TOMM40: variants seen among roughly 807,000 people sequenced by gnomAD.
TOMM40 encodes mitochondrial import receptor subunit TOM40 homolog.
A neutral mutation model predicts 38.4 loss-of-function variants in TOMM40; 9 were observed. The ratio of observed to expected loss-of-function variants is 0.23; its 90% CI spans 0.14 to 0.41. The LOEUF is 0.41. TOMM40 is among the 10% of genes least tolerant of loss of function. The pLI is 1.00. For synonymous variants in TOMM40, 184 were observed against 210.0 expected, an observed-to-expected ratio of 0.88 and a Z score of 1.07; for missense variants, 299 against 486.5, an observed-to-expected ratio of 0.61 and a Z score of 3.63.
intron 5 of TOMM40, among the ~76,000 whole-genome samples, chr19:44,899,550 A>G (rs1242686629): frequency 6.6e-6 from 1 of 151,618 alleles, no homozygotes; most frequent in Non-Finnish European, 1.5e-5. Context: ...CCTGGGCTCA[A>G]ATGAACCCAC....
intron 2 of TOMM40, 35 bp downstream of exon 2, chr19:44,892,495 C>T (rs751028708): frequency 3.0e-5 from 48 of 1,583,560 alleles, no homozygotes; most frequent in South Asian, 2.3e-4. Flanking sequence ...CACCAGAGAT[C>T]GTCCCCGCCG....
rs914784437 is a variant in TOMM40, at chr19:44,903,387, A to G, written c.*218A>G. 24 of 511,132 alleles carry G rather than the reference A, an allele frequency of 4.7e-5. No individual in the cohort carries two copies. Among genetic ancestry groups the G allele is most frequent in the Admixed American group, 7.9e-5 (2 of 25,160 alleles). The allele number at this position is 511,132 out of a possible 1,614,324, so 31.7% of individuals were successfully genotyped here. A position where few individuals can be genotyped will look rare whatever the true frequency, so the allele number is the denominator to read the frequency against. On this transcript the variant is annotated 3_prime_UTR_variant, in exon 9 of 9. Transcript: ENST00000426677. ...TCTGAGTAGCAGGGGCAGCATGCCCAGTGGGCCTGGGGTCCCGGGAGGGAT... is the reference window on the plus strand; with the variant it reads ...TCTGAGTAGCAGGGGCAGCATGCCCGGTGGGCCTGGGGTCCCGGGAGGGAT...
chr19:44,903,280 T>A lies in TOMM40; in HGVS notation c.*111T>A. 8.5e-7 allele frequency: 1 copy of A among 1,170,560 alleles called. No individual in the cohort carries two copies. Among genetic ancestry groups the A allele is most frequent in the Non-Finnish European group, 1.1e-6 (1 of 876,134 alleles). 72.5% of individuals were successfully genotyped at this position (1,170,560 alleles called of 1,614,324 possible). A position where few individuals can be genotyped will look rare whatever the true frequency, so the allele number is the denominator to read the frequency against. On this transcript the variant is annotated 3_prime_UTR_variant, in exon 9 of 9. Transcript: ENST00000426677. Reference sequence around the variant, plus strand: ...CCTCCCTTCCCTCCCCCCTTGGGGGTCGGGGGGGACATTGGAAAGGAGGGA... The same window carrying A: ...CCTCCCTTCCCTCCCCCCTTGGGGGACGGGGGGGACATTGGAAAGGAGGGA...
At chr19:44,895,089 GC>G (rs1568607382) in intron 5 of TOMM40, among the ~76,000 whole-genome samples, 1 of 152,174 alleles carries the variant, frequency 6.6e-6, no homozygotes, top group Non-Finnish European at 1.5e-5. Context: ...TCTTTGTGCA[GC>G]CATCCACTGT....
intron 5 of TOMM40, among the ~76,000 whole-genome samples, chr19:44,895,085 T>G (rs1183282391): frequency 1.3e-5 from 2 of 152,190 alleles, no homozygotes; most frequent in African/African-American, 2.4e-5. Context: ...TGTGTCTTTG[T>G]GCAGCCATCC....
intron 8 of TOMM40, 143 bp from the exon 9 acceptor site, chr19:44,902,887 G>T: frequency 9.8e-7 from 1 of 1,018,024 alleles, no homozygotes; most frequent in Admixed American, 2.9e-5. Context: ...AGTTGTTGGT[G>T]TGATGGGGTT....
intron 8 of TOMM40, 69 bp from the exon 9 acceptor site, chr19:44,902,961 G>A: frequency 6.4e-7 from 1 of 1,558,274 alleles, no homozygotes; most frequent in Non-Finnish European, 8.7e-7. Flanking sequence ...TGGTATCCAA[G>A]GTGGCCAGGA....
intron 5 of TOMM40, among the ~76,000 whole-genome samples, chr19:44,899,780 A>G (rs1292635710): frequency 7.9e-6 from 1 of 126,208 alleles, no homozygotes; most frequent in East Asian, 2.6e-4. Context: ...GGCATGAGCC[A>G]TTGCATCTGG....
intron 5 of TOMM40, 139 bp from the exon 6 acceptor site, chr19:44,900,591 G>C (rs2122776708): frequency 1.3e-6 from 2 of 1,530,024 alleles, no homozygotes; most frequent in Middle Eastern, 2.4e-4. Context: ...TGGGCGATGG[G>C]TTAGGAGAAA....
chr19:44,891,343 G>T lies in TOMM40; in HGVS notation c.-73G>T. The T allele has an allele frequency of 1.6e-6, 2 of 1,220,846 alleles. No homozygotes were observed. Among genetic ancestry groups the T allele is most frequent in the South Asian group, 3.9e-5 (1 of 25,582 alleles). The allele number at this position is 1,220,846 out of a possible 1,614,324, so 75.6% of individuals were successfully genotyped here. On this transcript the variant is annotated 5_prime_UTR_variant, in exon 1 of 9. Transcript: ENST00000426677. Reference sequence around the variant, plus strand: ...AGAACCGGGGCCGGAGCCGGGTGCGGATTTGCTGGGGCTGAGTCGGGGGCG... The same window carrying T: ...AGAACCGGGGCCGGAGCCGGGTGCGTATTTGCTGGGGCTGAGTCGGGGGCG...
intron 1 of TOMM40, 119 bp from the exon 2 acceptor site, chr19:44,892,274 G>T: frequency 1.0e-6 from 1 of 994,178 alleles, no homozygotes; most frequent in Non-Finnish European, 1.6e-6. Context: ...TTTACAGGTG[G>T]AATCCTTTGT....
intron 6 of TOMM40, 71 bp from the exon 7 acceptor site, chr19:44,900,957 G>A (rs1969668990): frequency 1.2e-6 from 2 of 1,609,882 alleles, no homozygotes; most frequent in Non-Finnish European, 1.7e-6. Context: ...GTCTGAGGGA[G>A]GAGGCCTGGG....
At chr19:44,891,723 G>A in intron 1 of TOMM40, 34 bp downstream of exon 1, 1 of 1,411,744 alleles carries the variant, frequency 7.1e-7, no homozygotes, top group South Asian at 1.4e-5. Context: ...GGGCTGCGAT[G>A]GCCTGGATCT....
rs394819 is a variant in TOMM40, at chr19:44,901,322, G to T, written c.946+12G>T. 6.9e-3 allele frequency: 11,050 copies of T among 1,612,072 alleles called. 470 individuals carry two copies. In the African/African-American group the frequency reaches 0.11, roughly 16 times the overall value. ...CCTCCTCTTCAAAGGTAAAGGTCTC[G>T]GTTCCCCTACGCGGGAAACAGGCAG... On this transcript the variant is annotated intron_variant, in intron 8 of 8. Transcript: ENST00000426677.
At chr19:44,900,884 G>A in intron 6 of TOMM40, 32 bp downstream of exon 6, 1 of 1,611,814 alleles carries the variant, frequency 6.2e-7, no homozygotes. Flanking sequence ...GAGGGTGGAG[G>A]GGCTGGGCCC....
chr19:44,901,736 CA>C (rs920186366), intron 8 of TOMM40: 2,373 of 159,206 alleles, frequency 0.015, no homozygotes, highest in Middle Eastern at 0.036. Flanking sequence ...GACTCCATCT[CA>C]AAAAAAAAAA....
At chr19:44,895,124 C>T (rs951063651) in intron 5 of TOMM40, among the ~76,000 whole-genome samples, 4 of 152,134 alleles carry the variant, frequency 2.6e-5, no homozygotes, top group South Asian at 4.1e-4. Context: ...GGCTCTTGAG[C>T]GCTGAGTCCT....
intron 5 of TOMM40, among the ~76,000 whole-genome samples, chr19:44,898,526 T>TTC (rs1555789178): frequency 2.4e-4 from 21 of 88,216 alleles, no homozygotes; most frequent in African/African-American, 1.0e-3. Context: ...TTTTTTTTTC[T>TTC]TTTTTTTTTT....
rs1429893119 is a variant in TOMM40 at position 44,900,694 on chromosome 19, A to G, written c.644-36A>G. 3.7e-6 allele frequency: 6 copies of G among 1,611,602 alleles called. No homozygotes were observed. The African/African-American group carries it at 8.0e-5, about 22-fold the overall frequency. ...GGAGGTGGAGTCTAGCCTGGCACTC[A>G]GGGTGGGTGGAAACTGATCGTCATT... On this transcript the variant is annotated intron_variant, in intron 5 of 8. Coordinates refer to ENST00000426677, the MANE Select transcript of TOMM40 (RefSeq NM_001128917.2).
Sources: gnomAD v4.1 joint callset for allele counts (sites outside exome capture counted in the v4.1 genomes callset) on GRCh38, gnomAD v4.1.1 for gene constraint, MANE v1.5 for transcripts, NCBI Gene and HGNC (gene_info 2026-07-23, HGNC 2026-07-21) for gene names.